Variants in ARL13B observed in about 807,000 individuals in gnomAD.
ARL13B encodes the protein ADP-ribosylation factor-like protein 13B.
ARL13B carries 36 observed loss-of-function variants against 56.1 expected under a neutral mutation model. That is an observed-to-expected ratio of 0.64 (90% CI 0.49 to 0.85). The LOEUF (loss-of-function observed/expected upper bound fraction) is 0.85. ARL13B is among the 40% of genes least tolerant of loss of function. The pLI is 0.00. For missense variants in ARL13B, 519 were observed against 507.1 expected (o/e 1.02, Z -0.23); for synonymous variants, 178 against 171.1 (o/e 1.04, Z -0.32).
chr3:93,999,681 C>T (rs1387461831), intron 2 of ARL13B, among the ~76,000 whole-genome samples: 3 of 152,014 alleles, frequency 2.0e-5, no homozygotes, highest in Non-Finnish European at 4.4e-5. Context: ...AAATTTTTTT[C>T]ACAATAGCTT....
chr3:94,026,036 T>G (rs1300282046), intron 3 of ARL13B, among the ~76,000 whole-genome samples: 2 of 151,674 alleles, frequency 1.3e-5, no homozygotes, highest in Non-Finnish European at 2.9e-5. Context: ...TTTTTTTTTT[T>G]TGAGACGGAG....
chr3:94,020,303 A>G (rs1244569892), intron 3 of ARL13B, among the ~76,000 whole-genome samples: 5 of 152,216 alleles, frequency 3.3e-5, no homozygotes, highest in Non-Finnish European at 2.9e-5. Context: ...TCTTATAAGA[A>G]CAAGTATTGT....
chr3:93,992,006 C>G (rs763809071), intron 1 of ARL13B, among the ~76,000 whole-genome samples: 3 of 151,996 alleles, frequency 2.0e-5, no homozygotes, highest in Non-Finnish European at 2.9e-5. Context: ...TTATTTTATG[C>G]CAGTCTCAAC....
chr3:94,010,164 T>G (rs2076200813), intron 3 of ARL13B, among the ~76,000 whole-genome samples: 1 of 152,110 alleles, frequency 6.6e-6, no homozygotes, highest in Non-Finnish European at 1.5e-5. Flanking sequence ...AGGCCCTAAG[T>G]AGGTTATTTA....
Position 93,980,590 on chromosome 3 carries a change from C to T in ARL13B, c.59+108C>T, listed in dbSNP as rs1340570928. 7 of 1,363,946 alleles carry T rather than the reference C, an allele frequency of 5.1e-6. No homozygotes were observed. In the East Asian group the frequency reaches 7.0e-5, roughly 14 times the overall value. The allele number at this position is 1,363,946 out of a possible 1,614,324, so 84.5% of individuals were successfully genotyped here. ...GCCTGGACGAGTCTATCCCAGGCCG[C>T]AAGGGATGCTTTCATTCCCAGGGTG... is the stretch of plus-strand genomic sequence containing the variant. On this transcript the variant is annotated intron_variant, in intron 1 of 9. Transcript: ENST00000394222.
Position 93,990,390 on chromosome 3 carries a change from C to CATAT in ARL13B, c.60-5474_60-5471dup, listed in dbSNP as rs529958064. 4.0e-5 allele frequency among the ~76,000 whole-genome samples: 6 copies of CATAT among 151,016 alleles called. No individual in the cohort carries two copies. The East Asian group carries it at 1.2e-3, about 29-fold the overall frequency. On this transcript the variant is annotated intron_variant, in intron 1 of 9. Coordinates refer to ENST00000394222, the MANE Select transcript of ARL13B (RefSeq NM_001174150.2). Reference sequence around the variant, plus strand: ...TTTTTTTTTGATTTTGGAATATTTGCATATATATATATAGTGAAGTATCTT... The same window carrying CATAT: ...TTTTTTTTTGATTTTGGAATATTTGCATATATATATATATATAGTGAAGTATCTT...
At position 93,980,347 on chromosome 3, in the gene ARL13B, G is replaced by A. The variant is rs1271604315; in HGVS notation, c.-77G>A. 2 of 1,578,740 alleles carry A rather than the reference G, an allele frequency of 1.3e-6. No homozygotes were observed. Among genetic ancestry groups the A allele is most frequent in the Non-Finnish European group, 1.7e-6 (2 of 1,157,908 alleles). On this transcript the variant is annotated 5_prime_UTR_variant, in exon 1 of 10. Coordinates refer to ENST00000394222, the MANE Select transcript of ARL13B (RefSeq NM_001174150.2). ...CACTTTAGGGGCGTCTCGGAGTGCC[G>A]GAGGCCCCCGGGGAAGAGCGGGGTG...
chr3:94,013,148 G>A (rs2076254767), intron 3 of ARL13B, among the ~76,000 whole-genome samples: 1 of 152,004 alleles, frequency 6.6e-6, no homozygotes, highest in Admixed American at 6.6e-5. Flanking sequence ...TGTTTCCTAT[G>A]CCTGGAATTA....
chr3:94,049,515 T>G lies in ARL13B; in HGVS notation c.1134T>G (p.Pro378=), dbSNP rs1401884380. The G allele has an allele frequency of 1.9e-5, 17 of 909,982 alleles. No homozygotes were observed. Among genetic ancestry groups the G allele is most frequent in the Middle Eastern group, 2.4e-4 (1 of 4,114 alleles). The allele number at this position is 909,982 out of a possible 1,614,324, so 56.4% of individuals were successfully genotyped here. A position where few individuals can be genotyped will look rare whatever the true frequency, so the allele number is the denominator to read the frequency against. Residue 378 remains proline (P), a synonymous_variant, in exon 8 of 10, where the codon CCT becomes CCG. Coordinates refer to ENST00000394222, the MANE Select transcript of ARL13B (RefSeq NM_001174150.2). The part of the protein sequence containing the change: ...APESPTPPPP[P]PPVGWGTPKV... ...AGAGTCCAACGCCACCCCCACCCCCTCCTCCTGGTGAGTAAATTGATACTG... is the reference window on the plus strand; with the variant it reads ...AGAGTCCAACGCCACCCCCACCCCCGCCTCCTGGTGAGTAAATTGATACTG...
At chr3:94,018,284 CT>C (rs2076374576) in intron 3 of ARL13B, among the ~76,000 whole-genome samples, 1 of 149,156 alleles carries the variant, frequency 6.7e-6, no homozygotes, top group Non-Finnish European at 1.5e-5. Context: ...ACAGAAGAGA[CT>C]TTAATGATAG....
At chr3:93,992,274 G>A (rs904905111) in intron 1 of ARL13B, among the ~76,000 whole-genome samples, 7 of 152,116 alleles carry the variant, frequency 4.6e-5, no homozygotes, top group African/African-American at 1.7e-4. Flanking sequence ...TCATGAAAAG[G>A]TGGATCAGGG....
At chr3:94,007,349 TCTCTA>T (rs1253734315) in intron 3 of ARL13B, among the ~76,000 whole-genome samples, 1 of 152,218 alleles carries the variant, frequency 6.6e-6, no homozygotes, top group Non-Finnish European at 1.5e-5. Flanking sequence ...CTTTAGTTCT[TCTCTA>T]CTTGCTCCTA....
chr3:94,006,811 A>G (rs1002866383), intron 3 of ARL13B, among the ~76,000 whole-genome samples: 4 of 152,198 alleles, frequency 2.6e-5, no homozygotes, highest in East Asian at 1.9e-4. Context: ...TTAAACTAAC[A>G]TAACCTCTGC....
rs1202018725 is a variant in ARL13B at position 93,983,460 on chromosome 3, T to C, written c.59+2978T>C. On this transcript the variant is annotated intron_variant, in intron 1 of 9. Coordinates refer to ENST00000394222, the MANE Select transcript of ARL13B (RefSeq NM_001174150.2). ...GAAATAAACTCTTGAAATTTTATTG[T>C]TCCTAAGTTTATCTTTTAAAAATAT... Among the ~76,000 whole-genome samples the C allele has an allele frequency of 5.9e-5, 9 of 152,196 alleles. 1 individual carries two copies. The highest frequency in any genetic ancestry group is 1.3e-4 in the Non-Finnish European group (9 of 68,042).
At chr3:93,989,602 G>A (rs2075832033) in intron 1 of ARL13B, among the ~76,000 whole-genome samples, 2 of 151,548 alleles carry the variant, frequency 1.3e-5, no homozygotes, top group South Asian at 4.2e-4. Context: ...ACCCAGGCTA[G>A]ACTGCAGTGG....
intron 3 of ARL13B, among the ~76,000 whole-genome samples, chr3:94,026,742 A>T (rs1023095412): frequency 6.6e-6 from 1 of 152,202 alleles, no homozygotes; most frequent in Non-Finnish European, 1.5e-5. Context: ...TAAATTTATT[A>T]TGTTGGAAGA....
At chr3:94,005,881 T>C (rs2076125901) in intron 3 of ARL13B, among the ~76,000 whole-genome samples, 1 of 152,198 alleles carries the variant, frequency 6.6e-6, no homozygotes, top group Admixed American at 6.5e-5. Context: ...GTTGTGCATA[T>C]GTGGAAAAGA....
intron 3 of ARL13B, among the ~76,000 whole-genome samples, chr3:94,018,846 A>C (rs1170561492): frequency 6.6e-6 from 1 of 151,046 alleles, no homozygotes; most frequent in Non-Finnish European, 1.5e-5. Flanking sequence ...GCTCACTGCA[A>C]CCTCCGCCGT....
At chr3:93,991,231 A>G (rs370046810) in intron 1 of ARL13B, among the ~76,000 whole-genome samples, 233 of 152,262 alleles carry the variant, frequency 1.5e-3, no homozygotes, top group Non-Finnish European at 2.7e-3. Context: ...TATTTTTTCA[A>G]TTTGAAGGGC....
Sources: allele counts gnomAD v4.1 joint callset (sites outside exome capture counted in the v4.1 genomes callset), GRCh38; gene constraint gnomAD v4.1.1; transcripts MANE v1.5; gene names NCBI Gene and HGNC (gene_info 2026-07-23, HGNC 2026-07-21).